ERC1: variants seen among roughly 807,000 people sequenced by gnomAD.
The protein encoded by ERC1 is ELKS/RAB6-interacting/CAST family member 1.
ERC1 carries 56 observed loss-of-function variants against 132.0 expected under a neutral mutation model. The ratio of observed to expected loss-of-function variants is 0.42; its 90% CI spans 0.34 to 0.53. The LOEUF is 0.53. Among genes scored for constraint, ERC1 ranks in the 20% least tolerant of loss-of-function variants. The pLI is 0.03. For missense variants in ERC1, 1,202 were observed against 1,349.9 expected, an observed-to-expected ratio of 0.89 and a Z score of 1.72; for synonymous variants, 478 against 476.1, an observed-to-expected ratio of 1.00 and a Z score of -0.05.
chr12:1,072,412 A>G (rs1161282864), intron 2 of ERC1, among the ~76,000 whole-genome samples: 1 of 152,182 alleles, frequency 6.6e-6, no homozygotes, highest in Non-Finnish European at 1.5e-5. Flanking sequence ...AATGTTTACT[A>G]CCTACATTGA....
chr12:1,469,648 T>C (rs1267682224), intron 18 of ERC1, among the ~76,000 whole-genome samples: 3 of 152,208 alleles, frequency 2.0e-5, no homozygotes, highest in Admixed American at 1.3e-4. Flanking sequence ...TAAGCATTCG[T>C]TGAGCCAGAC....
intron 18 of ERC1, among the ~76,000 whole-genome samples, chr12:1,447,437 T>G (rs78844218): frequency 0.03 from 4,450 of 150,702 alleles, 211 homozygotes; most frequent in African/African-American, 0.1. Context: ...GATGGCTTGA[T>G]CCCGGGCAGT....
intron 1 of ERC1, among the ~76,000 whole-genome samples, chr12:999,856 G>T (rs1275987571): frequency 6.6e-6 from 1 of 152,020 alleles, no homozygotes; most frequent in Non-Finnish European, 1.5e-5. Context: ...TGGCCTCCCA[G>T]AGTGCTGGGA....
At chr12:1,121,266 A>G (rs536031901) in intron 7 of ERC1, among the ~76,000 whole-genome samples, 19 of 152,324 alleles carry the variant, frequency 1.2e-4, no homozygotes, top group African/African-American at 4.3e-4. Context: ...CCCTGTGCAG[A>G]GAGAATATAG....
chr12:1,058,065 AT>A (rs964353130), intron 2 of ERC1, among the ~76,000 whole-genome samples: 63 of 151,634 alleles, frequency 4.2e-4, no homozygotes, highest in African/African-American at 1.5e-3. Context: ...GTTTGAATTC[AT>A]TTTATATTCT....
At chr12:1,135,952 C>T (rs1949206922) in intron 7 of ERC1, among the ~76,000 whole-genome samples, 2 of 152,178 alleles carry the variant, frequency 1.3e-5, no homozygotes. Context: ...CAGGTATTTT[C>T]AGGTTTTTAT....
intron 8 of ERC1, among the ~76,000 whole-genome samples, chr12:1,173,050 G>A (rs1440307888): frequency 6.6e-6 from 1 of 152,134 alleles, no homozygotes; most frequent in African/African-American, 2.4e-5. Context: ...TTGGGGGTTC[G>A]TTTTATTCTT....
chr12:1,242,110 G>C (rs1279286324), intron 13 of ERC1, among the ~76,000 whole-genome samples: 1 of 151,930 alleles, frequency 6.6e-6, no homozygotes. Flanking sequence ...GCCTCCCAAA[G>C]TGCTGGGATT....
At chr12:1,438,467 A>G (rs1044928279) in intron 17 of ERC1, among the ~76,000 whole-genome samples, 1 of 152,236 alleles carries the variant, frequency 6.6e-6, no homozygotes, top group Non-Finnish European at 1.5e-5. Flanking sequence ...TACCACTAAC[A>G]TTTATGCAGT....
chr12:1,182,639 C>A (rs1458527482), intron 10 of ERC1, among the ~76,000 whole-genome samples: 1 of 149,968 alleles, frequency 6.7e-6, no homozygotes, highest in East Asian at 1.9e-4. Flanking sequence ...TAGAATTTTT[C>A]TTTTAATAGG....
chr12:1,230,290 C>T (rs1003927470), intron 12 of ERC1, among the ~76,000 whole-genome samples: 8 of 152,098 alleles, frequency 5.3e-5, no homozygotes, highest in Non-Finnish European at 1.2e-4. Context: ...TGAGCCACCG[C>T]GCTTGGCCTG....
chr12:1,340,103 T>A (rs2083688942), intron 15 of ERC1, among the ~76,000 whole-genome samples: 1 of 152,074 alleles, frequency 6.6e-6, no homozygotes, highest in East Asian at 1.9e-4. Flanking sequence ...CCTGCTTGAG[T>A]TCTCTGCCAG....
chr12:1,406,052 G>A (rs1267798758), intron 16 of ERC1, among the ~76,000 whole-genome samples: 1 of 152,072 alleles, frequency 6.6e-6, no homozygotes, highest in African/African-American at 2.4e-5. Flanking sequence ...AATGATGATA[G>A]CTAAAATGTA....
chr12:1,269,495 A>G (rs974271095), intron 14 of ERC1, among the ~76,000 whole-genome samples: 1 of 152,208 alleles, frequency 6.6e-6, no homozygotes, highest in Non-Finnish European at 1.5e-5. Flanking sequence ...AGGGCCTTTT[A>G]TATAAGGCCA....
At chr12:1,058,065 A>G (rs979947238) in intron 2 of ERC1, among the ~76,000 whole-genome samples, 8 of 151,518 alleles carry the variant, frequency 5.3e-5, no homozygotes, top group African/African-American at 1.9e-4. Flanking sequence ...GTTTGAATTC[A>G]TTTTATATTC....
intron 12 of ERC1, 125 bp from the exon 13 acceptor site, chr12:1,236,644 C>A (rs951278700): frequency 6.7e-6 from 6 of 893,608 alleles, no homozygotes; most frequent in Non-Finnish European, 9.8e-6. Flanking sequence ...TGAAAAATTT[C>A]GCAGCATGTA....
intron 15 of ERC1, among the ~76,000 whole-genome samples, chr12:1,345,558 T>C (rs2084373597): frequency 6.6e-6 from 1 of 152,208 alleles, no homozygotes. Context: ...AGATTGGGGT[T>C]ATGTTTTACA....
chr12:1,202,327 C>T (rs995958618), intron 12 of ERC1, among the ~76,000 whole-genome samples: 11 of 152,164 alleles, frequency 7.2e-5, no homozygotes, highest in African/African-American at 2.2e-4. Context: ...ACATATAATT[C>T]GATGTACAGA....
intron 15 of ERC1, among the ~76,000 whole-genome samples, chr12:1,330,072 C>T (rs563986139): frequency 1.3e-5 from 2 of 152,286 alleles, no homozygotes; most frequent in South Asian, 4.1e-4. Flanking sequence ...TGGCTAAGAA[C>T]CAGTATCATC....
Sources: gnomAD v4.1 joint callset for allele counts (sites outside exome capture counted in the v4.1 genomes callset) on GRCh38, gnomAD v4.1.1 for gene constraint, MANE v1.5 for transcripts, NCBI Gene and HGNC (gene_info 2026-07-23, HGNC 2026-07-21) for gene names.